SLC34A1: variants seen among roughly 807,000 people sequenced by gnomAD.
SLC34A1 encodes the protein sodium-dependent phosphate transport protein 2A.
SLC34A1 carries 57 observed loss-of-function variants against 51.4 expected under a neutral mutation model. That is an observed-to-expected ratio of 1.11 (90% CI 0.90 to 1.38). The LOEUF is 1.38. SLC34A1 is among the 40% of genes most tolerant of loss of function. SLC34A1 has a pLI of 0.00. For missense variants in SLC34A1, 796 were observed against 835.6 expected, an observed-to-expected ratio of 0.95 and a Z score of 0.58; for synonymous variants, 368 against 358.0, an observed-to-expected ratio of 1.03 and a Z score of -0.32.
In SLC34A1 at chr5:177,386,176, C is replaced by T. The variant is rs1201875687; in HGVS notation, c.259+40C>T. ...GGGGTGGCAGAGGCGGCAGCAGTCC[C>T]TGCCCTGGCCTCTGCCCACTATGCT... On this transcript the variant is annotated intron_variant, in intron 3 of 12. Coordinates refer to ENST00000324417, the MANE Select transcript of SLC34A1 (RefSeq NM_003052.5). The surrounding 1 kb of genome is among the most constrained non-coding windows in gnomAD (Gnocchi z 4.8). The T allele has an allele frequency of 1.2e-6, 2 of 1,613,940 alleles. No homozygotes were observed. Among genetic ancestry groups the T allele is most frequent in the Non-Finnish European group, 1.7e-6 (2 of 1,179,962 alleles).
rs1379027151 is a variant in SLC34A1 at position 177,389,628 on chromosome 5, C to T, written c.936+1256C>T. On this transcript the variant is annotated intron_variant, in intron 8 of 12. Transcript: ENST00000324417. ...GCTCTCTGACTCACCACAAGCCTCT[C>T]TACTTCATAGCAAAATCTGGAAGGG... The T allele has an allele frequency of 4.6e-6, 7 of 1,537,150 alleles. No homozygotes were observed. In the East Asian group the frequency reaches 7.3e-5, roughly 16 times the overall value.
At chr5:177,391,673 ACAGCCTCCCAAC>A (rs532339809) in intron 8 of SLC34A1, among the ~76,000 whole-genome samples, 1 of 152,328 alleles carries the variant, frequency 6.6e-6, no homozygotes, top group African/African-American at 2.4e-5. Context: ...AGTCACACAC[ACAGCCTCCCAAC>A]CATGTGATCC....
chr5:177,397,769 C>A lies in SLC34A1; in HGVS notation c.1417-14C>A. The A allele has an allele frequency of 6.2e-7, 1 of 1,605,950 alleles. No homozygotes were observed. Among genetic ancestry groups the A allele is most frequent in the Admixed American group, 1.7e-5 (1 of 60,010 alleles). On this transcript the variant is annotated splice_polypyrimidine_tract_variant and intron_variant, in intron 12 of 12. Coordinates refer to ENST00000324417, the MANE Select transcript of SLC34A1 (RefSeq NM_003052.5). ...CCAGTGCCCATCTCAGCCCCTCTGCCTCATCCCCTGCAGATTGCCCTCTGT... is the reference window on the plus strand; with the variant it reads ...CCAGTGCCCATCTCAGCCCCTCTGCATCATCCCCTGCAGATTGCCCTCTGT...
At chr5:177,389,085 C>T (rs1485175117) in intron 8 of SLC34A1, among the ~76,000 whole-genome samples, 1 of 152,170 alleles carries the variant, frequency 6.6e-6, no homozygotes, top group Non-Finnish European at 1.5e-5. Flanking sequence ...GTCCCTTGTC[C>T]TTCTGCACTG....
chr5:177,384,733 G>T (rs1407757229), intron 1 of SLC34A1, among the ~76,000 whole-genome samples: 1 of 151,972 alleles, frequency 6.6e-6, no homozygotes, highest in South Asian at 2.1e-4. Flanking sequence ...GTGGTGGCAG[G>T]CACCTGTAAT....
Position 177,388,481 on chromosome 5 carries a change from A to T in SLC34A1, c.936+109A>T, listed in dbSNP as rs556663734. 1.1e-6 allele frequency: 1 copy of T among 944,428 alleles called. No individual in the cohort carries two copies. Among genetic ancestry groups the T allele is most frequent in the Admixed American group, 1.9e-5 (1 of 51,338 alleles). The allele number at this position is 944,428 out of a possible 1,614,324, so 58.5% of individuals were successfully genotyped here. A position where few individuals can be genotyped will look rare whatever the true frequency, so the allele number is the denominator to read the frequency against. On this transcript the variant is annotated intron_variant, in intron 8 of 12. Coordinates refer to ENST00000324417, the MANE Select transcript of SLC34A1 (RefSeq NM_003052.5). The surrounding 1 kb of genome is among the most constrained non-coding windows in gnomAD (Gnocchi z 4.3). ...ACCTTGAAGATCATTTAGCCAGGAG[A>T]GGGCAAATATGTGGCCCTTCTACTG... is the stretch of plus-strand genomic sequence containing the variant.
rs778529046 is a variant in SLC34A1, at chr5:177,396,558, C to T, written c.1175-175C>T. Among the ~76,000 whole-genome samples, 45 of 119,562 alleles carry T rather than the reference C, an allele frequency of 3.8e-4. No individual in the cohort carries two copies. The highest frequency in any genetic ancestry group is 6.0e-4 in the Non-Finnish European group (32 of 53,182). 78.4% of individuals were successfully genotyped at this position (119,562 alleles called of 152,430 possible). A position where few individuals can be genotyped will look rare whatever the true frequency, so the allele number is the denominator to read the frequency against. ...CGGAGGTCCGCTCTCCCAGTGCCCC[C>T]GCGGAGGTCCTCTCTCCCAGTGCCC... is the stretch of plus-strand genomic sequence containing the variant. On this transcript the variant is annotated intron_variant, in intron 10 of 12. Transcript: ENST00000324417. The surrounding 1 kb of genome is among the most constrained non-coding windows in gnomAD (Gnocchi z 4.0).
intron 2 of SLC34A1, 66 bp from the exon 3 acceptor site, chr5:177,385,921 C>G (rs1413846496): frequency 2.0e-5 from 33 of 1,609,906 alleles, no homozygotes; most frequent in Non-Finnish European, 2.8e-5. Context: ...GGCCACTTCC[C>G]CCGCCTGTTC....
At chr5:177,391,001 C>T (rs1430807537) in intron 8 of SLC34A1, among the ~76,000 whole-genome samples, 1 of 152,178 alleles carries the variant, frequency 6.6e-6, no homozygotes, top group Non-Finnish European at 1.5e-5. Context: ...CAGCTGGGAA[C>T]GGCTCAGCTG....
rs1762684928 is a variant in SLC34A1 at position 177,388,501 on chromosome 5, C to CTA, written c.936+130_936+131dup. 1 of 785,396 alleles carries CTA rather than the reference C, an allele frequency of 1.3e-6. No homozygotes were observed. 48.7% of individuals were successfully genotyped at this position (785,396 alleles called of 1,614,324 possible). ...AGGAGAGGGCAAATATGTGGCCCTTCTACTGTGCTTACAGTTAACATTGCT... is the reference window on the plus strand; with the variant it reads ...AGGAGAGGGCAAATATGTGGCCCTTCTATACTGTGCTTACAGTTAACATTGCT... On this transcript the variant is annotated intron_variant, in intron 8 of 12. Coordinates refer to ENST00000324417, the MANE Select transcript of SLC34A1 (RefSeq NM_003052.5). This position sits in a 1 kb window ranked among gnomAD's most constrained non-coding sequence, Gnocchi z 4.3.
Position 177,398,157 on chromosome 5 carries a change from C to G in SLC34A1, c.1791C>G (p.Thr597=). The G allele has an allele frequency of 6.2e-7, 1 of 1,613,028 alleles. No individual in the cohort carries two copies. The highest frequency in any genetic ancestry group is 8.5e-7 in the Non-Finnish European group (1 of 1,179,692). The part of the protein sequence containing the change: ...KPLDHLITRA[T]LCCARPEPRS... ...TGGACCACCTCATCACCCGCGCCAC[C>G]CTATGCTGTGCCAGGCCTGAGCCCC... The change falls in exon 13 of 13, where the codon ACC becomes ACG. Residue 597 remains threonine, a synonymous_variant. Transcript: ENST00000324417. This position sits in a 1 kb window ranked among gnomAD's most constrained non-coding sequence, Gnocchi z 4.7.
Position 177,387,784 on chromosome 5 carries a change from C to A in SLC34A1, c.555C>A (p.Ile185=), listed in dbSNP as rs749084191. Residue 185 remains isoleucine, a synonymous_variant, in exon 6 of 13, where the codon ATC becomes ATA. Transcript: ENST00000324417. ...CAGTGCTGGAGGTGAGCTCTGCCAT[C>A]CCCATCATCATGGGCTCCAACATCG... ...SSGLLEVSSA[I]PIIMGSNIGT... 1.2e-6 allele frequency: 2 copies of A among 1,614,036 alleles called. No individual in the cohort carries two copies. The highest frequency in any genetic ancestry group is 1.7e-6 in the Non-Finnish European group (2 of 1,179,952).
rs1439470722 is a variant in SLC34A1, at chr5:177,386,174, C to A, written c.259+38C>A. The A allele has an allele frequency of 1.4e-5, 23 of 1,613,728 alleles. No individual in the cohort carries two copies. The highest frequency in any genetic ancestry group is 1.8e-5 in the Non-Finnish European group (21 of 1,179,952). On this transcript the variant is annotated intron_variant, in intron 3 of 12. Coordinates refer to ENST00000324417, the MANE Select transcript of SLC34A1 (RefSeq NM_003052.5). The surrounding 1 kb of genome is among the most constrained non-coding windows in gnomAD (Gnocchi z 4.8). ...TGGGGGTGGCAGAGGCGGCAGCAGT[C>A]CCTGCCCTGGCCTCTGCCCACTATG...
rs1314975657 is a variant in SLC34A1, at chr5:177,393,918, G to A, written c.1007-110G>A. On this transcript the variant is annotated intron_variant, in intron 9 of 12. Coordinates refer to ENST00000324417, the MANE Select transcript of SLC34A1 (RefSeq NM_003052.5). ...GCCTGGGTCAAGCTCCGGTGTTGAG[G>A]CTCAAGGAGCCTGAGATGGGGCCTT... 5 of 1,528,970 alleles carry A rather than the reference G, an allele frequency of 3.3e-6. No individual in the cohort carries two copies. In the Admixed American group the frequency reaches 5.0e-5, roughly 15 times the overall value. 94.7% of individuals were successfully genotyped at this position (1,528,970 alleles called of 1,614,324 possible).
In SLC34A1 at chr5:177,388,832, G is replaced by C. The variant is rs770994167; in HGVS notation, c.936+460G>C. Among the ~76,000 whole-genome samples, 11 of 152,198 alleles carry C rather than the reference G, an allele frequency of 7.2e-5. No individual in the cohort carries two copies. Among genetic ancestry groups the C allele is most frequent in the Non-Finnish European group, 1.6e-4 (11 of 68,040 alleles). On this transcript the variant is annotated intron_variant, in intron 8 of 12. Transcript: ENST00000324417. This position sits in a 1 kb window ranked among gnomAD's most constrained non-coding sequence, Gnocchi z 4.3. The stretch of plus-strand genomic sequence containing the variant: ...TTTCACAGGTAGAGACACAGGTTCA[G>C]AGAGGCTAAGAAACGTGCCAGAGCT...
rs1432573044 is a variant in SLC34A1 at position 177,387,706 on chromosome 5, G to A, written c.533-56G>A. ...GGTGGGGGGCCTGACAGGAGTTGTG[G>A]TGGTGCAGGAGCTGGGTGACCGTCA... is the stretch of plus-strand genomic sequence containing the variant. On this transcript the variant is annotated intron_variant, in intron 5 of 12. Coordinates refer to ENST00000324417, the MANE Select transcript of SLC34A1 (RefSeq NM_003052.5). The A allele has an allele frequency of 1.7e-5, 24 of 1,415,018 alleles. No individual in the cohort carries two copies. The African/African-American group carries it at 3.0e-4, about 17-fold the overall frequency. The allele number at this position is 1,415,018 out of a possible 1,614,324, so 87.7% of individuals were successfully genotyped here. A position where few individuals can be genotyped will look rare whatever the true frequency, so the allele number is the denominator to read the frequency against.
Position 177,393,756 on chromosome 5 carries a change from G to A in SLC34A1, c.999G>A (p.Met333Ile). The change falls in exon 9 of 13, where the codon ATG (methionine) becomes ATA (isoleucine). Residue 333 changes from methionine to isoleucine, a missense_variant. By Grantham distance (10) the Met-to-Ile change is conservative. Coordinates refer to ENST00000324417, the MANE Select transcript of SLC34A1 (RefSeq NM_003052.5). ...NSSQTLGNAT[M>I]EKCNHIFVDT... ...GCCAGACCCTTGGAAATGCCACCAT[G>A]GAGAAATGTAAGTGCCTGCAACATG... 6.2e-7 allele frequency: 1 copy of A among 1,614,204 alleles called. No homozygotes were observed. Among genetic ancestry groups the A allele is most frequent in the Non-Finnish European group, 8.5e-7 (1 of 1,180,030 alleles).
chr5:177,389,346 G>GCCCTTC (rs58015287), intron 8 of SLC34A1, among the ~76,000 whole-genome samples: 2,598 of 151,514 alleles, frequency 0.017, 50 homozygotes, highest in African/African-American at 0.051. Flanking sequence ...CACAGCACAA[G>GCCCTTC]CCCTTCCCCT....
At chr5:177,391,951 C>G (rs1762819132) in intron 8 of SLC34A1, among the ~76,000 whole-genome samples, 1 of 152,230 alleles carries the variant, frequency 6.6e-6, no homozygotes, top group African/African-American at 2.4e-5. Context: ...CTCTCCCTTA[C>G]CCTCGCAGCA....
Sources: gnomAD v4.1 joint callset for allele counts (sites outside exome capture counted in the v4.1 genomes callset) on GRCh38, gnomAD v4.1.1 for gene constraint, Gnocchi (gnomAD v3.1) non-coding constraint, MANE v1.5 for transcripts, NCBI Gene and HGNC (gene_info 2026-07-23, HGNC 2026-07-21) for gene names.